Variants in DLG2 observed in about 807,000 individuals in gnomAD.
DLG2 encodes disks large homolog 2.
A neutral mutation model predicts 132.5 loss-of-function variants in DLG2; 45 were observed. The ratio of observed to expected loss-of-function variants is 0.34; its 90% CI spans 0.27 to 0.44. The LOEUF is 0.44. Ranked by LOEUF, DLG2 falls within the 20% of genes least tolerant of loss-of-function variation. The probability of loss-of-function intolerance (pLI) is 1.00; values close to 1 mark genes in which losing one functional copy is unlikely to be tolerated. For synonymous variants in DLG2, 424 were observed against 419.6 expected (o/e 1.01, Z -0.13); for missense variants, 1,045 against 1,196.9 (o/e 0.87, Z 1.87).
chr11:84,732,886 T>C (rs376670398), intron 6 of DLG2, among the ~76,000 whole-genome samples: 2,314 of 150,708 alleles, frequency 0.015, 34 homozygotes, highest in African/African-American at 0.033. Flanking sequence ...TGAGAACATG[T>C]GATGTTTGGT....
chr11:84,340,117 G>T (rs1371860504), intron 7 of DLG2, among the ~76,000 whole-genome samples: 1 of 152,166 alleles, frequency 6.6e-6, no homozygotes, highest in Non-Finnish European at 1.5e-5. Context: ...TTTTGCAGGA[G>T]AGTCTGGTTT....
rs1339614178 is a variant in DLG2, at chr11:85,626,601, G to A, written c.-107C>T. 1 of 152,146 alleles carries A rather than the reference G, an allele frequency of 6.6e-6. No individual in the cohort carries two copies. The highest frequency in any genetic ancestry group is 1.5e-5 in the Non-Finnish European group (1 of 68,030). The allele number at this position is 152,146 out of a possible 1,614,324, so 9.4% of individuals were successfully genotyped here. A position where few individuals can be genotyped will look rare whatever the true frequency, so the allele number is the denominator to read the frequency against. ...TATATAGCAACCTTATGGCCCACCT[G>A]TCTTCTTGACTGGCATTCTTGGGTC... On this transcript the variant is annotated 5_prime_UTR_variant, in exon 2 of 28. Coordinates refer to ENST00000376104, the MANE Select transcript of DLG2 (RefSeq NM_001142699.3).
chr11:85,031,506 C>T (rs540596666), intron 6 of DLG2, among the ~76,000 whole-genome samples: 20 of 151,918 alleles, frequency 1.3e-4, no homozygotes, highest in Non-Finnish European at 2.4e-4. Context: ...TACTTCTTTG[C>T]TTTTGTTATA....
chr11:85,029,774 A>G (rs575226981), intron 6 of DLG2, among the ~76,000 whole-genome samples: 5 of 152,006 alleles, frequency 3.3e-5, no homozygotes, highest in African/African-American at 1.2e-4. Flanking sequence ...AATGTAGCCA[A>G]CTCTGAACTG....
At chr11:84,672,308 C>T (rs961971861) in intron 6 of DLG2, among the ~76,000 whole-genome samples, 1 of 152,078 alleles carries the variant, frequency 6.6e-6, no homozygotes, top group South Asian at 2.1e-4. Context: ...GAATGAGTCA[C>T]ATGACATATC....
At chr11:85,008,658 C>T (rs2154134188) in intron 6 of DLG2, among the ~76,000 whole-genome samples, 1 of 152,024 alleles carries the variant, frequency 6.6e-6, no homozygotes, top group South Asian at 2.1e-4. Flanking sequence ...CTATATATAA[C>T]CTAACTAATT....
At chr11:84,007,580 G>A (rs2094634019) in intron 11 of DLG2, among the ~76,000 whole-genome samples, 1 of 151,462 alleles carries the variant, frequency 6.6e-6, no homozygotes, top group African/African-American at 2.4e-5. Flanking sequence ...CTACATAATT[G>A]AACATCTTTA....
At chr11:84,143,294 T>C (rs989817349) in intron 9 of DLG2, among the ~76,000 whole-genome samples, 6 of 152,114 alleles carry the variant, frequency 3.9e-5, no homozygotes, top group African/African-American at 1.4e-4. Context: ...TCAGGGGAGA[T>C]AACATATTAG....
At chr11:85,509,475 C>A (rs184629118) in intron 3 of DLG2, among the ~76,000 whole-genome samples, 2 of 152,110 alleles carry the variant, frequency 1.3e-5, no homozygotes, top group African/African-American at 4.8e-5. Flanking sequence ...AGCAAGCAAC[C>A]AGGACGGTGG....
intron 7 of DLG2, among the ~76,000 whole-genome samples, chr11:84,428,731 A>G (rs571738978): frequency 3.3e-5 from 5 of 152,334 alleles, no homozygotes; most frequent in African/African-American, 4.8e-5. Flanking sequence ...GAGCTTCAAC[A>G]TATGAATTTG....
chr11:84,493,569 T>C (rs1301773227), intron 7 of DLG2, among the ~76,000 whole-genome samples: 1 of 152,068 alleles, frequency 6.6e-6, no homozygotes, highest in African/African-American at 2.4e-5. Context: ...AAATGACCCC[T>C]CAAGGTGTTC....
chr11:84,885,575 A>G lies in DLG2; in HGVS notation c.357+226086T>C, dbSNP rs192077346. ...AAGTGACTTTAATTCTTGGTCCTGC[A>G]TATTACTGGCTCTGTGAGGTCAGGC... On this transcript the variant is annotated intron_variant, in intron 6 of 27. Coordinates refer to ENST00000376104, the MANE Select transcript of DLG2 (RefSeq NM_001142699.3). Among the ~76,000 whole-genome samples, 14 of 152,236 alleles carry G rather than the reference A, an allele frequency of 9.2e-5. No homozygotes were observed. The East Asian group carries it at 2.3e-3, about 25-fold the overall frequency.
intron 6 of DLG2, among the ~76,000 whole-genome samples, chr11:85,019,600 C>G (rs1475588795): frequency 1.3e-5 from 2 of 152,052 alleles, no homozygotes; most frequent in Non-Finnish European, 2.9e-5. Context: ...GGTATTTCTC[C>G]TAATGCTATA....
chr11:85,462,388 C>T (rs537227391), intron 3 of DLG2, among the ~76,000 whole-genome samples: 3 of 152,320 alleles, frequency 2.0e-5, no homozygotes, highest in South Asian at 2.1e-4. Context: ...ATAGCAAAGA[C>T]TTGGAACCAA....
chr11:84,667,498 G>GTTTTTT (rs57863742), intron 6 of DLG2, among the ~76,000 whole-genome samples: 7 of 122,270 alleles, frequency 5.7e-5, no homozygotes, highest in South Asian at 2.6e-4. Context: ...TTTGTTTTTT[G>GTTTTTT]TTTTTTTTTT....
intron 5 of DLG2, among the ~76,000 whole-genome samples, chr11:85,133,629 C>T (rs980713217): frequency 2.6e-5 from 4 of 152,108 alleles, no homozygotes; most frequent in Non-Finnish European, 5.9e-5. Context: ...ACACAAACAA[C>T]CTGAACATAT....
intron 11 of DLG2, among the ~76,000 whole-genome samples, chr11:83,997,077 C>A (rs2094072562): frequency 6.6e-6 from 1 of 150,662 alleles, no homozygotes. Flanking sequence ...TCTCATGTAC[C>A]CCGTAAATAT....
intron 7 of DLG2, among the ~76,000 whole-genome samples, chr11:84,403,361 A>G (rs1420377653): frequency 6.6e-6 from 1 of 152,178 alleles, no homozygotes; most frequent in East Asian, 1.9e-4. Context: ...AATGCTGTGA[A>G]GTCTTTAAAC....
chr11:84,889,936 C>T (rs1403591014), intron 6 of DLG2, among the ~76,000 whole-genome samples: 1 of 152,136 alleles, frequency 6.6e-6, no homozygotes, highest in African/African-American at 2.4e-5. Flanking sequence ...TCTAATCTGG[C>T]TTTACATTTT....
Sources: gnomAD v4.1 joint callset for allele counts (sites outside exome capture counted in the v4.1 genomes callset) on GRCh38, gnomAD v4.1.1 for gene constraint, MANE v1.5 for transcripts, NCBI Gene and HGNC (gene_info 2026-07-23, HGNC 2026-07-21) for gene names.